The following PCDHGB6 variants were observed in gnomAD, a reference collection of about 807,000 sequenced individuals.
The protein encoded by PCDHGB6 is protocadherin gamma-B6.
Under a neutral mutation model 59.1 loss-of-function variants are expected in PCDHGB6, and 51 were observed. The observed-to-expected ratio is 0.86, with a 90% confidence interval of 0.69 to 1.09. The LOEUF (loss-of-function observed/expected upper bound fraction) is 1.09, where lower values mean the gene tolerates loss of function less well. Ranked by LOEUF, PCDHGB6 falls within the 50% of genes least tolerant of loss-of-function variation. The pLI, the probability that PCDHGB6 is intolerant of heterozygous loss-of-function variation, is 0.00. For synonymous variants in PCDHGB6, 466 were observed against 495.1 expected (o/e 0.94, Z 0.78); for missense variants, 1,148 against 1,205.1 (o/e 0.95, Z 0.70).
At position 141,408,901 on chromosome 5, in the gene PCDHGB6, G is replaced by T. The variant is rs529239605; in HGVS notation, c.699G>T (p.Lys233Asn). 1.2e-6 allele frequency: 2 copies of T among 1,613,100 alleles called. No individual in the cohort carries two copies. Among genetic ancestry groups the T allele is most frequent in the African/African-American group, 2.7e-5 (2 of 74,764 alleles). ...CCGCTCACATAGAAATTTCTGTCAA[G>T]GATACCAATGATAACCCCCCGGTTT... ...SATAHIEISV[K>N]DTNDNPPVFS... Residue 233 changes from lysine to asparagine, a missense_variant, in exon 1 of 4, where the codon AAG (lysine) becomes AAT (asparagine). Lys to Asn is a moderately conservative substitution (Grantham distance 94). This residue lies in a region of PCDHGB6 where 307 missense variants were observed against 323.8 expected (regional missense o/e 0.95). Transcript: ENST00000520790.
At chr5:141,426,655 A>C (rs2096950037) in intron 1 of PCDHGB6, 1 of 424,748 alleles carries the variant, frequency 2.4e-6, no homozygotes, top group Non-Finnish European at 4.8e-6. Flanking sequence ...ATGATAGAAG[A>C]TATAAATGAT....
At chr5:141,420,006 GAC>G (rs745722189) in intron 1 of PCDHGB6, 1 of 1,613,936 alleles carries the variant, frequency 6.2e-7, no homozygotes, top group African/African-American at 1.3e-5. Flanking sequence ...CTACGCCTGC[GAC>G]AGTCTTTCAG....
In PCDHGB6 at chr5:141,409,004, G is replaced by A; in HGVS notation, c.802G>A (p.Asp268Asn). Residue 268 changes from aspartate (D) to asparagine (N), a missense_variant, in exon 1 of 4, where the codon GAC becomes AAC. This residue lies in a region of PCDHGB6 where 4 missense variants were observed against 16.4 expected (regional missense o/e 0.24). Transcript: ENST00000520790. ...CCCTGTGTTGCAAGTGACAGCCACT[G>A]ACCAGGATGAGGGGGTCAATGCTGA... ...GSPVLQVTAT[D>N]QDEGVNAEIN... The A allele has an allele frequency of 1.9e-6, 3 of 1,614,004 alleles. No homozygotes were observed. The highest frequency in any genetic ancestry group is 1.7e-6 in the Non-Finnish European group (2 of 1,179,908).
chr5:141,474,900 T>C (rs577411783), intron 1 of PCDHGB6, among the ~76,000 whole-genome samples: 2 of 152,368 alleles, frequency 1.3e-5, no homozygotes, highest in South Asian at 2.1e-4. Flanking sequence ...TCATTTCTTG[T>C]TCAAGGATAT....
intron 1 of PCDHGB6, among the ~76,000 whole-genome samples, chr5:141,449,264 C>T (rs2098633342): frequency 6.6e-6 from 1 of 152,056 alleles, no homozygotes; most frequent in African/African-American, 2.4e-5. Flanking sequence ...GTACAAAGAA[C>T]TGTATCTCCT....
intron 2 of PCDHGB6, among the ~76,000 whole-genome samples, chr5:141,498,604 C>G (rs1445417630): frequency 6.6e-6 from 1 of 152,122 alleles, no homozygotes; most frequent in East Asian, 1.9e-4. Flanking sequence ...GGTTCAAGTT[C>G]AAGTCAGCAC....
At chr5:141,452,742 G>C (rs779371001) in intron 1 of PCDHGB6, among the ~76,000 whole-genome samples, 7 of 152,010 alleles carry the variant, frequency 4.6e-5, no homozygotes, top group Non-Finnish European at 8.8e-5. Context: ...GGAAGAGAGA[G>C]AAGGAAGAAG....
chr5:141,490,652 C>A lies in PCDHGB6; in HGVS notation c.2419-4155C>A. ...ATCCTAGAAAACCGGCCTCCGGGCT[C>A]CCTTCTTTGCACTGTGGCTGCCTCA... On this transcript the variant is annotated intron_variant, in intron 1 of 3. Transcript: ENST00000520790. The surrounding 1 kb of genome is among the most constrained non-coding windows in gnomAD (Gnocchi z 5.4). 6.2e-7 allele frequency: 1 copy of A among 1,614,208 alleles called. No individual in the cohort carries two copies. Among genetic ancestry groups the A allele is most frequent in the Non-Finnish European group, 8.5e-7 (1 of 1,180,026 alleles).
chr5:141,466,812 G>T (rs1394979761), intron 1 of PCDHGB6, among the ~76,000 whole-genome samples: 1 of 151,940 alleles, frequency 6.6e-6, no homozygotes, highest in African/African-American at 2.4e-5. Flanking sequence ...ATTCAGACAT[G>T]GTATAACAAG....
chr5:141,424,616 T>C (rs1487572877), intron 1 of PCDHGB6: 1 of 152,152 alleles, frequency 6.6e-6, no homozygotes, highest in Non-Finnish European at 1.5e-5. Flanking sequence ...TCAAATAGAG[T>C]AGTTTGTGAA....
At chr5:141,478,717 C>T (rs1381812771) in intron 1 of PCDHGB6, 1 of 1,545,032 alleles carries the variant, frequency 6.5e-7, no homozygotes, top group South Asian at 1.2e-5. Context: ...GAGATGGTGG[C>T]CTGCCAGAGT....
At chr5:141,414,557 A>G (rs749209012) in intron 1 of PCDHGB6, 21 of 1,613,786 alleles carry the variant, frequency 1.3e-5, no homozygotes, top group Non-Finnish European at 1.8e-5. Context: ...CAAGTCTCCT[A>G]CTTTACCTAT....
At position 141,409,674 on chromosome 5, in the gene PCDHGB6, TAGTGGCG is replaced by T; in HGVS notation, c.1477_1483del (p.Ala493ThrfsTer2). On this transcript the variant is annotated frameshift_variant, in exon 1 of 4. Coordinates refer to ENST00000520790, the MANE Select transcript of PCDHGB6 (RefSeq NM_018926.3). LOFTEE classifies it high-confidence loss of function. Reference sequence around the variant, plus strand: ...CTCAATGGCCACATCTCCTACTCTATAGTGGCGAGTGACCTAGAGCCCCTGGCGGTGT... The same window carrying T: ...CTCAATGGCCACATCTCCTACTCTATAGTGACCTAGAGCCCCTGGCGGTGT... The T allele has an allele frequency of 6.2e-7, 1 of 1,613,414 alleles. No homozygotes were observed. The highest frequency in any genetic ancestry group is 8.5e-7 in the Non-Finnish European group (1 of 1,179,850).
Position 141,410,340 on chromosome 5 carries a change from T to G in PCDHGB6, c.2138T>G (p.Leu713Trp). 1 of 1,614,068 alleles carries G rather than the reference T, an allele frequency of 6.2e-7. No homozygotes were observed. The highest frequency in any genetic ancestry group is 8.5e-7 in the Non-Finnish European group (1 of 1,179,902). ...CTCGCCGTGATTCTGGCCATTGCCTTGCGCCTGCGACGCTCTCTCAGCCCT... is the reference window on the plus strand; with the variant it reads ...CTCGCCGTGATTCTGGCCATTGCCTGGCGCCTGCGACGCTCTCTCAGCCCT... Reference protein sequence around the residue: ...FLLAVILAIALRLRRSLSPAT... With the variant: ...FLLAVILAIAWRLRRSLSPAT... Residue 713 changes from leucine (L) to tryptophan (W), a missense_variant, in exon 1 of 4, where the codon TTG becomes TGG. By Grantham distance (61) the Leu-to-Trp change is moderately conservative. Around this residue, in one of 5 missense-constraint regions of PCDHGB6, gnomAD observed 283 missense variants for 318.6 expected, o/e 0.89. Transcript: ENST00000520790.
intron 1 of PCDHGB6, chr5:141,419,926 G>T: frequency 6.2e-7 from 1 of 1,614,096 alleles, no homozygotes; most frequent in South Asian, 1.1e-5. Flanking sequence ...CTGAGATGCA[G>T]TTTTACCTGG....
At chr5:141,414,821 A>G (rs1321959107) in intron 1 of PCDHGB6, 1 of 1,614,226 alleles carries the variant, frequency 6.2e-7, no homozygotes, top group South Asian at 1.1e-5. Flanking sequence ...CTCAGCAGCA[A>G]CGTGTCGTTG....
At chr5:141,423,001 G>A in intron 1 of PCDHGB6, 2 of 1,614,230 alleles carry the variant, frequency 1.2e-6, no homozygotes, top group Non-Finnish European at 1.7e-6. Flanking sequence ...GGTGACCAAG[G>A]TGGTTGCGGT....
chr5:141,423,116 C>T (rs374000303), intron 1 of PCDHGB6: 210 of 1,613,682 alleles, frequency 1.3e-4, no homozygotes, highest in Middle Eastern at 4.9e-4. Context: ...GTGCGTACAG[C>T]GCGGGCACTG....
At chr5:141,420,259 G>A (rs775335307) in intron 1 of PCDHGB6, 8 of 1,564,678 alleles carry the variant, frequency 5.1e-6, no homozygotes, top group Non-Finnish European at 6.9e-6. Context: ...AAGCAGATAA[G>A]AAGATTCTTA....
Sources: allele counts gnomAD v4.1 joint callset (sites outside exome capture counted in the v4.1 genomes callset), GRCh38; gene constraint gnomAD v4.1.1; regional missense constraint gnomAD v4.1.1; non-coding constraint Gnocchi (gnomAD v3.1); transcripts MANE v1.5; gene names NCBI Gene and HGNC (gene_info 2026-07-23, HGNC 2026-07-21).